WWOX: variants seen among roughly 807,000 people sequenced by gnomAD.
WWOX encodes the protein WW domain-containing oxidoreductase.
Under a neutral mutation model 46.2 loss-of-function variants are expected in WWOX, and 69 were observed. The observed-to-expected ratio is 1.49, with a 90% CI of 1.23 to 1.82. WWOX has a LOEUF of 1.82. Among genes scored for constraint, WWOX ranks in the 40% most tolerant of loss-of-function variants. The pLI is 0.00. For missense variants in WWOX, 919 were observed against 542.6 expected, an observed-to-expected ratio of 1.69 and a Z score of -6.89; for synonymous variants, 359 against 202.6, an observed-to-expected ratio of 1.77 and a Z score of -6.56.
At chr16:78,691,130 A>T in intron 8 of WWOX, 5 of 648,526 alleles carry the variant, frequency 7.7e-6, no homozygotes, top group Non-Finnish European at 1.1e-5. Flanking sequence ...ATTGCTTTAG[A>T]AGTTCATAAA....
At chr16:78,424,024 T>C (rs1295845377) in intron 6 of WWOX, among the ~76,000 whole-genome samples, 1 of 151,878 alleles carries the variant, frequency 6.6e-6, no homozygotes, top group East Asian at 1.9e-4. Flanking sequence ...CCTTGCTATG[T>C]TTTATTAACA....
intron 8 of WWOX, among the ~76,000 whole-genome samples, chr16:78,905,899 C>A (rs185984519): frequency 1.2e-3 from 183 of 152,300 alleles, no homozygotes; most frequent in Non-Finnish European, 2.2e-3. Flanking sequence ...TGTCGGAGCA[C>A]CCAGCCATCC....
At chr16:78,874,947 G>T (rs1456953367) in intron 8 of WWOX, among the ~76,000 whole-genome samples, 1 of 152,114 alleles carries the variant, frequency 6.6e-6, no homozygotes, top group Non-Finnish European at 1.5e-5. Flanking sequence ...TTGGAACCAG[G>T]AAGGCCTGCC....
At chr16:78,408,390 C>T (rs568756165) in intron 6 of WWOX, among the ~76,000 whole-genome samples, 1 of 152,270 alleles carries the variant, frequency 6.6e-6, no homozygotes, top group South Asian at 2.1e-4. Context: ...CATGGGGCAA[C>T]TTTACTGCCT....
chr16:78,928,410 G>A (rs1273218867), intron 8 of WWOX, among the ~76,000 whole-genome samples: 1 of 151,902 alleles, frequency 6.6e-6, no homozygotes, highest in African/African-American at 2.4e-5. Flanking sequence ...CACCGTGTTA[G>A]CCAGGATGGT....
intron 8 of WWOX, among the ~76,000 whole-genome samples, chr16:78,788,109 T>C (rs1481442506): frequency 1.3e-5 from 2 of 152,222 alleles, no homozygotes; most frequent in Non-Finnish European, 2.9e-5. Context: ...TTTTTACTCT[T>C]TTTATAGTGT....
chr16:79,060,181 A>C (rs1181076045), intron 8 of WWOX, among the ~76,000 whole-genome samples: 1 of 152,146 alleles, frequency 6.6e-6, no homozygotes, highest in Non-Finnish European at 1.5e-5. Flanking sequence ...ATAAAAACCC[A>C]CCAAGCCTCA....
At chr16:78,214,904 T>C (rs1261623024) in intron 5 of WWOX, among the ~76,000 whole-genome samples, 1 of 152,190 alleles carries the variant, frequency 6.6e-6, no homozygotes, top group African/African-American at 2.4e-5. Flanking sequence ...CTTGGTATAT[T>C]TTAGTTCTAC....
At chr16:79,168,963 A>G (rs1032516171) in intron 8 of WWOX, among the ~76,000 whole-genome samples, 2 of 152,230 alleles carry the variant, frequency 1.3e-5, no homozygotes, top group East Asian at 3.8e-4. Flanking sequence ...AAACTGGCCC[A>G]CTGTAAAAAT....
At chr16:78,955,154 C>G (rs915256731) in intron 8 of WWOX, among the ~76,000 whole-genome samples, 2 of 152,150 alleles carry the variant, frequency 1.3e-5, no homozygotes, top group Admixed American at 6.5e-5. Flanking sequence ...GGAAACTTTG[C>G]TGTTAGGGTC....
chr16:78,984,457 G>A (rs990454920), intron 8 of WWOX, among the ~76,000 whole-genome samples: 1 of 152,202 alleles, frequency 6.6e-6, no homozygotes, highest in Non-Finnish European at 1.5e-5. Flanking sequence ...AAAAGCAGCT[G>A]TAGACAGTAA....
chr16:79,041,167 A>G (rs1037265576), intron 8 of WWOX, among the ~76,000 whole-genome samples: 1 of 152,260 alleles, frequency 6.6e-6, no homozygotes, highest in East Asian at 1.9e-4. Flanking sequence ...TATTGACCCC[A>G]TGGTCTTGCC....
At chr16:78,880,937 T>C (rs767746594) in intron 8 of WWOX, among the ~76,000 whole-genome samples, 2 of 152,130 alleles carry the variant, frequency 1.3e-5, no homozygotes, top group African/African-American at 4.8e-5. Context: ...AAGCACTTTT[T>C]TTTTTCATTA....
At chr16:78,897,171 G>T (rs1029784291) in intron 8 of WWOX, 1 of 147,224 alleles carries the variant, frequency 6.8e-6, no homozygotes, top group African/African-American at 2.5e-5. Flanking sequence ...TATCGCCTGG[G>T]AGGCAGAGGT....
chr16:78,825,925 A>C, intron 8 of WWOX: 1 of 754,564 alleles, frequency 1.3e-6, no homozygotes, highest in South Asian at 1.8e-5. Flanking sequence ...AAGATGAGGT[A>C]GTGCCCACCA....
Position 79,037,531 on chromosome 16 carries a change from C to G in WWOX, c.1057-174077C>G, listed in dbSNP as rs557890010. ...CAGCTGTCACCTTCCCAAAGTCACA[C>G]TGCTGATGAGTGACAGAGACCACAT... On this transcript the variant is annotated intron_variant, in intron 8 of 8. Transcript: ENST00000566780. 3.2e-4 allele frequency among the ~76,000 whole-genome samples: 48 copies of G among 152,190 alleles called. 1 individual carries two copies. Among genetic ancestry groups the G allele is most frequent in the African/African-American group, 1.1e-3 (47 of 41,520 alleles).
At chr16:78,309,222 T>C (rs2080189173) in intron 5 of WWOX, among the ~76,000 whole-genome samples, 1 of 152,216 alleles carries the variant, frequency 6.6e-6, no homozygotes, top group African/African-American at 2.4e-5. Flanking sequence ...CTCCCGATAG[T>C]GAGTTCTCAC....
At chr16:78,318,158 G>A (rs1014120902) in intron 5 of WWOX, among the ~76,000 whole-genome samples, 2 of 152,042 alleles carry the variant, frequency 1.3e-5, no homozygotes, top group Non-Finnish European at 2.9e-5. Context: ...TTCAGAGTTA[G>A]AGGGTGACAT....
At position 78,314,688 on chromosome 16, in the gene WWOX, G is replaced by GGTT. The variant is rs1555517825; in HGVS notation, c.517-72172_517-72171insGTT. 8.5e-4 allele frequency among the ~76,000 whole-genome samples: 77 copies of GGTT among 90,468 alleles called. 2 individuals carry two copies. Among genetic ancestry groups the GGTT allele is most frequent in the South Asian group, 6.5e-3 (14 of 2,140 alleles). 59.4% of individuals were successfully genotyped at this position (90,468 alleles called of 152,430 possible). A position where few individuals can be genotyped will look rare whatever the true frequency, so the allele number is the denominator to read the frequency against. On this transcript the variant is annotated intron_variant, in intron 5 of 8. Coordinates refer to ENST00000566780, the MANE Select transcript of WWOX (RefSeq NM_016373.4). ...TACAGGCACACCCCACCCTGCAGGG[G>GGTT]TTTTTTTTTTTTGTTTTTTTTTTTT...
Sources: gnomAD v4.1 joint callset for allele counts (sites outside exome capture counted in the v4.1 genomes callset) on GRCh38, gnomAD v4.1.1 for gene constraint, MANE v1.5 for transcripts, NCBI Gene and HGNC (gene_info 2026-07-23, HGNC 2026-07-21) for gene names.